Variants in FHIT observed in about 807,000 individuals in gnomAD.
The protein encoded by FHIT is fragile histidine triad diadenosine triphosphatase.
In FHIT, 19 loss-of-function variants were observed where a neutral mutation model predicts 17.9. The observed-to-expected ratio is 1.06, with a 90% CI of 0.74 to 1.56. The LOEUF is 1.56. FHIT is among the 40% of genes most tolerant of loss of function. FHIT has a pLI of 0.00. For missense variants in FHIT, 248 were observed against 189.2 expected (o/e 1.31, Z -1.82); for synonymous variants, 81 against 69.7 (o/e 1.16, Z -0.81).
intron 3 of FHIT, among the ~76,000 whole-genome samples, chr3:60,955,635 C>CATATATATATACATGTATATATACAT (rs1553778580): frequency 2.1e-5 from 1 of 48,370 alleles, no homozygotes; most frequent in Non-Finnish European, 4.4e-5. Flanking sequence ...TATATATATA[C>CATATATATATACATGTATATATACAT]ACACACACAC....
intron 5 of FHIT, among the ~76,000 whole-genome samples, chr3:60,365,523 A>T (rs1700073636): frequency 6.6e-6 from 1 of 152,192 alleles, no homozygotes; most frequent in Non-Finnish European, 1.5e-5. Flanking sequence ...ACTCATTAAA[A>T]CAACTTTCTT....
intron 5 of FHIT, among the ~76,000 whole-genome samples, chr3:60,445,954 G>C (rs1030455075): frequency 2.0e-5 from 3 of 152,020 alleles, no homozygotes; most frequent in African/African-American, 4.8e-5. Flanking sequence ...CCTATCTTTT[G>C]TGTGCAAATC....
chr3:61,195,248 G>C (rs1350795132), intron 2 of FHIT, among the ~76,000 whole-genome samples: 1 of 151,518 alleles, frequency 6.6e-6, no homozygotes, highest in Non-Finnish European at 1.5e-5. Flanking sequence ...ACTTCTATGG[G>C]ACATAATTTC....
chr3:60,801,818 A>T (rs557792988), intron 4 of FHIT, among the ~76,000 whole-genome samples: 1 of 152,224 alleles, frequency 6.6e-6, no homozygotes, highest in Non-Finnish European at 1.5e-5. Flanking sequence ...CTCTATATAC[A>T]TACTGGTGAT....
At chr3:60,086,713 C>T (rs944403269) in intron 5 of FHIT, among the ~76,000 whole-genome samples, 2 of 152,212 alleles carry the variant, frequency 1.3e-5, no homozygotes, top group African/African-American at 4.8e-5. Flanking sequence ...CCTCCATGCC[C>T]TACATCCTAG....
intron 4 of FHIT, among the ~76,000 whole-genome samples, chr3:60,798,360 T>C (rs1430199692): frequency 6.6e-6 from 1 of 152,214 alleles, no homozygotes; most frequent in Non-Finnish European, 1.5e-5. Flanking sequence ...CACTAAAATG[T>C]CATCAGCCCA....
chr3:59,776,332 G>T (rs1702314020), intron 8 of FHIT, among the ~76,000 whole-genome samples: 1 of 152,222 alleles, frequency 6.6e-6, no homozygotes, highest in African/African-American at 2.4e-5. Context: ...CAGTGGAGGT[G>T]ACAGCTACAA....
chr3:59,759,804 T>G (rs9874832), intron 8 of FHIT, among the ~76,000 whole-genome samples: 14,760 of 152,200 alleles, frequency 0.097, 924 homozygotes, highest in East Asian at 0.31. Context: ...ACTTTCTTGG[T>G]GGCCCAATGA....
intron 3 of FHIT, among the ~76,000 whole-genome samples, chr3:61,040,030 T>C (rs1217371381): frequency 6.6e-6 from 1 of 152,146 alleles, no homozygotes; most frequent in Non-Finnish European, 1.5e-5. Flanking sequence ...TCCTTGTGGG[T>C]CTCAATCATG....
At chr3:59,807,286 G>A (rs181728584) in intron 8 of FHIT, among the ~76,000 whole-genome samples, 440 of 152,268 alleles carry the variant, frequency 2.9e-3, no homozygotes, top group African/African-American at 8.9e-3. Flanking sequence ...GTTGGGGTGC[G>A]GAAGATCTAG....
At chr3:60,919,546 A>T (rs1252763938) in intron 3 of FHIT, among the ~76,000 whole-genome samples, 1 of 152,196 alleles carries the variant, frequency 6.6e-6, no homozygotes, top group Non-Finnish European at 1.5e-5. Flanking sequence ...TGCAATACCC[A>T]GGGACAAGGC....
intron 2 of FHIT, among the ~76,000 whole-genome samples, chr3:61,179,826 G>A (rs1486144055): frequency 6.6e-6 from 1 of 151,178 alleles, no homozygotes; most frequent in Non-Finnish European, 1.5e-5. Context: ...AAGCATGGTA[G>A]TGAGTGGAAG....
rs181409678 is a variant in FHIT, at chr3:60,536,733, G to A, written c.103+127C>T. 30 of 966,044 alleles carry A rather than the reference G, an allele frequency of 3.1e-5. No homozygotes were observed. In the East Asian group the frequency reaches 7.8e-4, roughly 25 times the overall value. The allele number at this position is 966,044 out of a possible 1,614,324, so 59.8% of individuals were successfully genotyped here. On this transcript the variant is annotated intron_variant, in intron 5 of 9. Transcript: ENST00000492590. Reference sequence around the variant, plus strand: ...ATCTTACCTGGTGTCTCCGAAGTGGGAGGGAGATGGATTCTTTATTTACCT... The same window carrying A: ...ATCTTACCTGGTGTCTCCGAAGTGGAAGGGAGATGGATTCTTTATTTACCT...
At chr3:59,941,873 T>C (rs1706536894) in intron 7 of FHIT, among the ~76,000 whole-genome samples, 1 of 152,112 alleles carries the variant, frequency 6.6e-6, no homozygotes, top group Non-Finnish European at 1.5e-5. Context: ...ATGAAGTGGG[T>C]TGGCTCAACT....
At chr3:60,524,383 G>C (rs2035495450) in intron 5 of FHIT, among the ~76,000 whole-genome samples, 1 of 152,180 alleles carries the variant, frequency 6.6e-6, no homozygotes, top group Non-Finnish European at 1.5e-5. Flanking sequence ...AAGGAGTTGA[G>C]TGAACATAGC....
In FHIT at chr3:59,929,088, T is replaced by C. The variant is rs1030961468; in HGVS notation, c.280-6674A>G. 2.7e-5 allele frequency among the ~76,000 whole-genome samples: 4 copies of C among 150,024 alleles called. No individual in the cohort carries two copies. In the East Asian group the frequency reaches 7.8e-4, roughly 29 times the overall value. On this transcript the variant is annotated intron_variant, in intron 7 of 9. Coordinates refer to ENST00000492590, the MANE Select transcript of FHIT (RefSeq NM_002012.4). ...GAACCCTTGTACAAGCTGGTGCAGA[T>C]GTAAAATGGTACGGCTGCTTTAGAA...
chr3:59,933,926 A>G (rs1706097173), intron 7 of FHIT, among the ~76,000 whole-genome samples: 1 of 152,174 alleles, frequency 6.6e-6, no homozygotes, highest in Non-Finnish European at 1.5e-5. Context: ...TTATCTATCA[A>G]TACCTTTCAT....
intron 7 of FHIT, among the ~76,000 whole-genome samples, chr3:59,992,244 C>T (rs1449845174): frequency 6.6e-6 from 1 of 152,004 alleles, no homozygotes; most frequent in Non-Finnish European, 1.5e-5. Flanking sequence ...TGAGAAGTGA[C>T]CTGCCATCAA....
At chr3:60,614,873 A>G (rs1332117163) in intron 4 of FHIT, among the ~76,000 whole-genome samples, 2 of 120,986 alleles carry the variant, frequency 1.7e-5, no homozygotes, top group Non-Finnish European at 3.2e-5. Context: ...CTCTGTCGCC[A>G]GACTGGAGTG....
Sources: gnomAD v4.1 joint callset for allele counts (sites outside exome capture counted in the v4.1 genomes callset) on GRCh38, gnomAD v4.1.1 for gene constraint, MANE v1.5 for transcripts, NCBI Gene and HGNC (gene_info 2026-07-23, HGNC 2026-07-21) for gene names.